SORCS2: variants seen among roughly 807,000 people sequenced by gnomAD.
SORCS2 encodes the protein sortilin related VPS10 domain containing receptor 2.
A neutral mutation model predicts 141.6 loss-of-function variants in SORCS2; 100 were observed. The observed-to-expected ratio is 0.71, with a 90% CI of 0.60 to 0.83. The LOEUF (loss-of-function observed/expected upper bound fraction) is 0.83, where lower values mean the gene tolerates loss of function less well. Among genes scored for constraint, SORCS2 ranks in the 40% least tolerant of loss-of-function variants. The pLI is 0.00. For synonymous variants in SORCS2, 789 were observed against 676.9 expected, an observed-to-expected ratio of 1.17 and a Z score of -2.57; for missense variants, 1,646 against 1,560.2, an observed-to-expected ratio of 1.05 and a Z score of -0.93.
At chr4:7,390,994 G>A (rs1316072171) in intron 1 of SORCS2, among the ~76,000 whole-genome samples, 5 of 152,158 alleles carry the variant, frequency 3.3e-5, no homozygotes, top group African/African-American at 9.7e-5. Flanking sequence ...AGCCTTGGGC[G>A]TCTATGTTCT....
intron 4 of SORCS2, among the ~76,000 whole-genome samples, chr4:7,646,137 G>A (rs1721057403): frequency 6.6e-6 from 1 of 152,266 alleles, no homozygotes; most frequent in African/African-American, 2.4e-5. Context: ...CGGGCTGTGA[G>A]CGGCTTAGCC....
At chr4:7,482,905 T>C (rs979766052) in intron 2 of SORCS2, among the ~76,000 whole-genome samples, 7 of 152,140 alleles carry the variant, frequency 4.6e-5, no homozygotes, top group Non-Finnish European at 1.0e-4. Context: ...CCCTCTGAAA[T>C]TCACACCACT....
rs1259376407 is a variant in SORCS2, at chr4:7,198,839, C to T, written c.480+5713C>T. Among the ~76,000 whole-genome samples the T allele has an allele frequency of 3.3e-5, 5 of 152,186 alleles. 1 individual carries two copies. The South Asian group carries it at 8.3e-4, about 25-fold the overall frequency. ...GCAGCACATGGGGACATGCAGAGGG[C>T]GGGCTGAGTCTAGGGAAGTCTCGGC... is the stretch of plus-strand genomic sequence containing the variant. On this transcript the variant is annotated intron_variant, in intron 1 of 26. Transcript: ENST00000507866.
intron 1 of SORCS2, among the ~76,000 whole-genome samples, chr4:7,309,105 G>T (rs1718022998): frequency 6.6e-6 from 1 of 152,196 alleles, no homozygotes; most frequent in Non-Finnish European, 1.5e-5. Flanking sequence ...GGAGCCCCTT[G>T]GTTGTCAGGG....
At chr4:7,610,270 C>T (rs1718321262) in intron 3 of SORCS2, among the ~76,000 whole-genome samples, 3 of 152,206 alleles carry the variant, frequency 2.0e-5, no homozygotes, top group African/African-American at 7.2e-5. Flanking sequence ...CACATGTGTC[C>T]TCTCCACACG....
chr4:7,677,839 G>C (rs950840468), intron 9 of SORCS2, among the ~76,000 whole-genome samples: 10 of 152,176 alleles, frequency 6.6e-5, no homozygotes, highest in Non-Finnish European at 1.5e-4. Flanking sequence ...TCCTCCACCT[G>C]CTAGGCAGCG....
intron 1 of SORCS2, among the ~76,000 whole-genome samples, chr4:7,367,486 G>A (rs139824464): frequency 6.6e-6 from 1 of 152,336 alleles, no homozygotes; most frequent in East Asian, 1.9e-4. Context: ...GTGGTTGTGG[G>A]AGCATTAAAC....
intron 12 of SORCS2, among the ~76,000 whole-genome samples, chr4:7,700,123 C>T (rs886285305): frequency 2.0e-5 from 3 of 152,220 alleles, no homozygotes; most frequent in African/African-American, 7.2e-5. Flanking sequence ...AGGCCTTTGC[C>T]CCTCTGTCTC....
chr4:7,202,612 C>T (rs568799064), intron 1 of SORCS2, among the ~76,000 whole-genome samples: 1 of 152,298 alleles, frequency 6.6e-6, no homozygotes, highest in East Asian at 1.9e-4. Context: ...TCTTGCAAGT[C>T]ACCATTTCCT....
chr4:7,503,217 C>T (rs1183615479), intron 2 of SORCS2, among the ~76,000 whole-genome samples: 2 of 152,140 alleles, frequency 1.3e-5, no homozygotes, highest in Non-Finnish European at 2.9e-5. Flanking sequence ...AAAATCTGAA[C>T]TCAAAAGGGG....
At chr4:7,639,651 A>C (rs1720513429) in intron 4 of SORCS2, among the ~76,000 whole-genome samples, 1 of 143,720 alleles carries the variant, frequency 7.0e-6, no homozygotes, top group South Asian at 2.3e-4. Context: ...GTGTATATGA[A>C]TGTGAGTGTG....
At position 7,698,541 on chromosome 4, in the gene SORCS2, T is replaced by TC. The variant is rs1317020494; in HGVS notation, c.1668+1272dup. ...CATCTGTCCATTTATTAGAGAAGAT[T>TC]CCCCCGTATTAGATTCAATAGACAG... On this transcript the variant is annotated intron_variant, in intron 12 of 26. Coordinates refer to ENST00000507866, the MANE Select transcript of SORCS2 (RefSeq NM_020777.3). 2.0e-5 allele frequency among the ~76,000 whole-genome samples: 3 copies of TC among 152,220 alleles called. No homozygotes were observed. In the East Asian group the frequency reaches 5.8e-4, roughly 29 times the overall value.
At chr4:7,530,230 C>G (rs1166948803) in intron 2 of SORCS2, among the ~76,000 whole-genome samples, 2 of 152,202 alleles carry the variant, frequency 1.3e-5, no homozygotes, top group East Asian at 3.9e-4. Flanking sequence ...CCTGTCCCCT[C>G]GGCCCCCAGA....
chr4:7,356,897 G>C (rs1721283151), intron 1 of SORCS2, among the ~76,000 whole-genome samples: 1 of 152,214 alleles, frequency 6.6e-6, no homozygotes, highest in Non-Finnish European at 1.5e-5. Context: ...GCTTGTCCTG[G>C]GGCGACCAGC....
chr4:7,302,790 C>CGTGTGT (rs1560176462), intron 1 of SORCS2, among the ~76,000 whole-genome samples: 4 of 147,372 alleles, frequency 2.7e-5, no homozygotes, highest in African/African-American at 7.6e-5. Context: ...TGTGTGTGTG[C>CGTGTGT]GCGCGCGTGT....
chr4:7,373,960 C>G (rs1478968974), intron 1 of SORCS2, among the ~76,000 whole-genome samples: 1 of 151,916 alleles, frequency 6.6e-6, no homozygotes, highest in Non-Finnish European at 1.5e-5. Flanking sequence ...GCTTTTATGC[C>G]TTATCTAAGA....
chr4:7,422,929 C>T (rs1411341661), intron 2 of SORCS2, among the ~76,000 whole-genome samples: 5 of 152,190 alleles, frequency 3.3e-5, no homozygotes, highest in African/African-American at 7.2e-5. Context: ...CAGACCACGG[C>T]CCCTCTCCAT....
chr4:7,552,216 G>A (rs1206565830), intron 3 of SORCS2, among the ~76,000 whole-genome samples: 1 of 152,216 alleles, frequency 6.6e-6, no homozygotes, highest in Non-Finnish European at 1.5e-5. Context: ...CCCATGCGAG[G>A]TGGGGCAGGT....
At chr4:7,524,917 G>T (rs544170910) in intron 2 of SORCS2, among the ~76,000 whole-genome samples, 1 of 152,296 alleles carries the variant, frequency 6.6e-6, no homozygotes, top group South Asian at 2.1e-4. Context: ...AAAGACGAGG[G>T]CATCCATCAT....
Sources: gnomAD v4.1 joint callset for allele counts (sites outside exome capture counted in the v4.1 genomes callset) on GRCh38, gnomAD v4.1.1 for gene constraint, MANE v1.5 for transcripts, NCBI Gene and HGNC (gene_info 2026-07-23, HGNC 2026-07-21) for gene names.